Variants in GUCY1A2 observed in about 807,000 individuals in gnomAD.
GUCY1A2 encodes the protein guanylate cyclase soluble subunit alpha-2.
GUCY1A2 carries 27 observed loss-of-function variants against 63.5 expected under a neutral mutation model. The ratio of observed to expected loss-of-function variants is 0.43; its 90% CI spans 0.31 to 0.59. GUCY1A2 has a LOEUF of 0.59. Ranked by LOEUF, GUCY1A2 falls within the 20% of genes least tolerant of loss-of-function variation. The pLI is 0.11. For missense variants in GUCY1A2, 768 were observed against 913.3 expected, an observed-to-expected ratio of 0.84 and a Z score of 2.05; for synonymous variants, 364 against 343.5, an observed-to-expected ratio of 1.06 and a Z score of -0.66.
Position 106,928,531 on chromosome 11 carries a change from C to T in GUCY1A2, c.1206+10929G>A, listed in dbSNP as rs191716467. ...TGTCTTCATTAGGAAAAACGGAAAACGAACCAAGATTATTGTATGATTCAA... is the reference window on the plus strand; with the variant it reads ...TGTCTTCATTAGGAAAAACGGAAAATGAACCAAGATTATTGTATGATTCAA... On this transcript the variant is annotated intron_variant, in intron 4 of 7. Coordinates refer to ENST00000526355, the MANE Select transcript of GUCY1A2 (RefSeq NM_000855.3). Among the ~76,000 whole-genome samples the T allele has an allele frequency of 6.0e-5, 9 of 149,806 alleles. No homozygotes were observed. The East Asian group carries it at 9.7e-4, about 16-fold the overall frequency.
chr11:106,718,551 T>C (rs1863256913), intron 6 of GUCY1A2, among the ~76,000 whole-genome samples: 1 of 152,146 alleles, frequency 6.6e-6, no homozygotes, highest in Non-Finnish European at 1.5e-5. Context: ...TGATAAGATA[T>C]TTAAATTTGA....
intron 1 of GUCY1A2, among the ~76,000 whole-genome samples, chr11:107,015,218 G>A (rs879465095): frequency 1.3e-5 from 2 of 152,004 alleles, no homozygotes; most frequent in Non-Finnish European, 2.9e-5. Flanking sequence ...TGTTCTCAGC[G>A]TCCACCTGAC....
At chr11:106,871,008 G>T (rs997787144) in intron 4 of GUCY1A2, among the ~76,000 whole-genome samples, 1 of 152,080 alleles carries the variant, frequency 6.6e-6, no homozygotes, top group African/African-American at 2.4e-5. Flanking sequence ...AGCTTCTCAA[G>T]TCCAAGGACC....
intron 3 of GUCY1A2, among the ~76,000 whole-genome samples, chr11:106,962,778 A>T (rs1359190598): frequency 1.4e-5 from 2 of 145,122 alleles, no homozygotes; most frequent in Non-Finnish European, 3.0e-5. Flanking sequence ...ATATATATTT[A>T]TATATATATA....
At chr11:106,726,799 C>T (rs1241979195) in intron 6 of GUCY1A2, among the ~76,000 whole-genome samples, 1 of 152,070 alleles carries the variant, frequency 6.6e-6, no homozygotes, top group Admixed American at 6.5e-5. Context: ...TAACAAGTTC[C>T]CTTTGGGTGA....
chr11:106,690,915 A>G lies in GUCY1A2; in HGVS notation c.1992-3159T>C, dbSNP rs140244417. Among the ~76,000 whole-genome samples the G allele has an allele frequency of 8.0e-3, 1,219 of 152,180 alleles. 25 individuals carry two copies. Among genetic ancestry groups the G allele is most frequent in the African/African-American group, 0.028 (1,154 of 41,442 alleles). ...CACAAAACAACTAAACTAAGAAATA[A>G]TTAATGACAATAAGAATGGAAGTCA... On this transcript the variant is annotated intron_variant, in intron 7 of 7. Coordinates refer to ENST00000526355, the MANE Select transcript of GUCY1A2 (RefSeq NM_000855.3).
intron 6 of GUCY1A2, among the ~76,000 whole-genome samples, chr11:106,771,548 G>A (rs1477654914): frequency 6.6e-6 from 1 of 152,088 alleles, no homozygotes; most frequent in Non-Finnish European, 1.5e-5. Context: ...AGGAGTTCAC[G>A]ACCAGCTTGG....
chr11:106,687,812 T>G lies in GUCY1A2; in HGVS notation c.1992-56A>C. On this transcript the variant is annotated intron_variant, in intron 7 of 7. Coordinates refer to ENST00000526355, the MANE Select transcript of GUCY1A2 (RefSeq NM_000855.3). ...AGTAGGCCAGGGAAATGTAAATACATGGACAGAAATTTTAAAGGCTCAGGA... is the reference window on the plus strand; with the variant it reads ...AGTAGGCCAGGGAAATGTAAATACAGGGACAGAAATTTTAAAGGCTCAGGA... 3.4e-6 allele frequency: 4 copies of G among 1,193,122 alleles called. No individual in the cohort carries two copies. In the South Asian group the frequency reaches 4.9e-5, roughly 15 times the overall value. 73.9% of individuals were successfully genotyped at this position (1,193,122 alleles called of 1,614,324 possible). A position where few individuals can be genotyped will look rare whatever the true frequency, so the allele number is the denominator to read the frequency against.
At chr11:106,995,138 T>A (rs773000654) in intron 1 of GUCY1A2, among the ~76,000 whole-genome samples, 1 of 152,180 alleles carries the variant, frequency 6.6e-6, no homozygotes, top group African/African-American at 2.4e-5. Flanking sequence ...ACAGATGGCA[T>A]AGGGCTGATT....
chr11:106,892,103 C>T (rs781044102), intron 4 of GUCY1A2, among the ~76,000 whole-genome samples: 5 of 152,108 alleles, frequency 3.3e-5, no homozygotes, highest in South Asian at 2.1e-4. Flanking sequence ...ACTTGAACAT[C>T]TATTATTTTA....
intron 1 of GUCY1A2, among the ~76,000 whole-genome samples, chr11:106,991,137 G>C (rs1050925485): frequency 6.6e-6 from 1 of 151,278 alleles, no homozygotes; most frequent in African/African-American, 2.4e-5. Context: ...TTACAGGTGC[G>C]TGCCACCATG....
intron 1 of GUCY1A2, among the ~76,000 whole-genome samples, chr11:106,988,753 G>C (rs906917054): frequency 6.6e-6 from 1 of 152,210 alleles, no homozygotes; most frequent in Admixed American, 6.5e-5. Context: ...TGACTGCACA[G>C]CATCTCCTAA....
At chr11:106,740,660 A>ATGTATGTATGTG (rs1863678420) in intron 6 of GUCY1A2, among the ~76,000 whole-genome samples, 1 of 92,702 alleles carries the variant, frequency 1.1e-5, no homozygotes, top group African/African-American at 2.7e-5. Flanking sequence ...GTATGTATGT[A>ATGTATGTATGTG]TGTATGTATG....
At chr11:106,699,170 G>A (rs527667941) in intron 7 of GUCY1A2, among the ~76,000 whole-genome samples, 1 of 152,230 alleles carries the variant, frequency 6.6e-6, no homozygotes, top group Admixed American at 6.5e-5. Context: ...TAGCTAAACT[G>A]TGGACATCTA....
intron 4 of GUCY1A2, among the ~76,000 whole-genome samples, chr11:106,908,162 C>T (rs982068532): frequency 6.6e-6 from 1 of 151,922 alleles, no homozygotes; most frequent in African/African-American, 2.4e-5. Flanking sequence ...ATTGGGGTCC[C>T]TCATTAAAAT....
rs1862310110 is a variant in GUCY1A2 at position 106,674,313 on chromosome 11, AGTG to A, written c.*13233_*13235del. The A allele has an allele frequency of 5.5e-6, 1 of 180,538 alleles. No homozygotes were observed. The highest frequency in any genetic ancestry group is 1.2e-5 in the Non-Finnish European group (1 of 84,422). The allele number at this position is 180,538 out of a possible 1,614,324, so 11.2% of individuals were successfully genotyped here. A position where few individuals can be genotyped will look rare whatever the true frequency, so the allele number is the denominator to read the frequency against. ...ATAACAAATAAAAGAATGAGTAAAA[AGTG>A]GTGTTACATGAAAATCAAAGAAGAT... On this transcript the variant is annotated 3_prime_UTR_variant, in exon 8 of 8. Coordinates refer to ENST00000526355, the MANE Select transcript of GUCY1A2 (RefSeq NM_000855.3).
chr11:106,690,081 A>G (rs1244035381), intron 7 of GUCY1A2, among the ~76,000 whole-genome samples: 1 of 152,184 alleles, frequency 6.6e-6, no homozygotes, highest in Non-Finnish European at 1.5e-5. Flanking sequence ...GGGAATGTAA[A>G]TTAGTTCAGC....
At chr11:106,820,939 G>A (rs1454142226) in intron 4 of GUCY1A2, among the ~76,000 whole-genome samples, 1 of 152,018 alleles carries the variant, frequency 6.6e-6, no homozygotes, top group African/African-American at 2.4e-5. Context: ...ATTTATCTCT[G>A]TGCTTTTTTA....
rs193146072 is a variant in GUCY1A2, at chr11:106,892,978, C to T, written c.1206+46482G>A. Among the ~76,000 whole-genome samples the T allele has an allele frequency of 1.3e-3, 197 of 151,994 alleles. 2 individuals carry two copies. Among genetic ancestry groups the T allele is most frequent in the African/African-American group, 4.4e-3 (184 of 41,474 alleles). On this transcript the variant is annotated intron_variant, in intron 4 of 7. Coordinates refer to ENST00000526355, the MANE Select transcript of GUCY1A2 (RefSeq NM_000855.3). ...GTGTTTAGAGACTAGAAAAGTGGGGCGGATGTATTTCTTTATAAGGCAACA... is the reference window on the plus strand; with the variant it reads ...GTGTTTAGAGACTAGAAAAGTGGGGTGGATGTATTTCTTTATAAGGCAACA...
Sources: gnomAD v4.1 joint callset for allele counts (sites outside exome capture counted in the v4.1 genomes callset) on GRCh38, gnomAD v4.1.1 for gene constraint, MANE v1.5 for transcripts, NCBI Gene and HGNC (gene_info 2026-07-23, HGNC 2026-07-21) for gene names.